The following ARHGEF18 variants were observed in gnomAD, a reference collection of about 807,000 sequenced individuals.
ARHGEF18 encodes the protein Rho/Rac guanine nucleotide exchange factor 18.
In ARHGEF18, 93 loss-of-function variants were observed where a neutral mutation model predicts 155.7. The ratio of observed to expected loss-of-function variants is 0.60; its 90% CI spans 0.50 to 0.71. The LOEUF (loss-of-function observed/expected upper bound fraction) is 0.71, where lower values mean the gene tolerates loss of function less well. Ranked by LOEUF, ARHGEF18 falls within the 30% of genes least tolerant of loss-of-function variation. ARHGEF18 has a pLI of 0.00. For synonymous variants in ARHGEF18, 742 were observed against 753.1 expected, an observed-to-expected ratio of 0.99 and a Z score of 0.24; for missense variants, 1,593 against 1,816.1, an observed-to-expected ratio of 0.88 and a Z score of 2.23.
At chr19:7,410,313 CCGT>C (rs1030713614) in intron 10 of ARHGEF18, among the ~76,000 whole-genome samples, 2 of 152,022 alleles carry the variant, frequency 1.3e-5, no homozygotes, top group African/African-American at 2.4e-5. Flanking sequence ...TTTCCTCTGT[CCGT>C]CTTAGAGTCA....
Position 7,444,542 on chromosome 19 carries a change from G to A in ARHGEF18, c.1611+88G>A. ...TTCTTTTTTTCTGAGATAGGGTCTT[G>A]CCGTGTCGCCCAGGCTGGAGTGCAG... is the stretch of plus-strand genomic sequence containing the variant. On this transcript the variant is annotated intron_variant, in intron 14 of 28. Coordinates refer to ENST00000668164, the MANE Select transcript of ARHGEF18 (RefSeq NM_001367823.1). The surrounding 1 kb of genome is among the most constrained non-coding windows in gnomAD (Gnocchi z 4.7). 2 of 1,526,320 alleles carry A rather than the reference G, an allele frequency of 1.3e-6. No homozygotes were observed. Among genetic ancestry groups the A allele is most frequent in the Non-Finnish European group, 1.8e-6 (2 of 1,138,892 alleles). The allele number at this position is 1,526,320 out of a possible 1,614,324, so 94.5% of individuals were successfully genotyped here. A position where few individuals can be genotyped will look rare whatever the true frequency, so the allele number is the denominator to read the frequency against.
chr19:7,464,218 A>T (rs113830605), intron 22 of ARHGEF18, among the ~76,000 whole-genome samples: 1,817 of 152,028 alleles, frequency 0.012, 47 homozygotes, highest in African/African-American at 0.042. Context: ...TTGTATTTTT[A>T]GTAGAAATGG....
At chr19:7,409,884 C>G (rs1284293455) in intron 10 of ARHGEF18, among the ~76,000 whole-genome samples, 1 of 150,756 alleles carries the variant, frequency 6.6e-6, no homozygotes, top group Non-Finnish European at 1.5e-5. Flanking sequence ...AGCGATTCTC[C>G]TGCCTCAGCC....
intron 1 of ARHGEF18, among the ~76,000 whole-genome samples, chr19:7,350,154 G>T (rs1238818501): frequency 6.6e-6 from 1 of 152,170 alleles, no homozygotes; most frequent in Non-Finnish European, 1.5e-5. Flanking sequence ...GGGGAGGAAG[G>T]CTGCGGTTTC....
intron 10 of ARHGEF18, among the ~76,000 whole-genome samples, chr19:7,428,478 G>A (rs531985559): frequency 3.0e-4 from 46 of 152,076 alleles, no homozygotes; most frequent in African/African-American, 1.1e-3. Flanking sequence ...CTGTAGCCTC[G>A]AACTCCTGGC....
chr19:7,469,117 G>C lies in ARHGEF18; in HGVS notation c.3773G>C (p.Arg1258Pro). 6.2e-7 allele frequency: 1 copy of C among 1,600,178 alleles called. No individual in the cohort carries two copies. The highest frequency in any genetic ancestry group is 8.5e-7 in the Non-Finnish European group (1 of 1,174,346). The change falls in exon 27 of 29, where the codon CGC (arginine) becomes CCC (proline). Residue 1258 changes from arginine (R) to proline (P), a missense_variant. Coordinates refer to ENST00000668164, the MANE Select transcript of ARHGEF18 (RefSeq NM_001367823.1). ...DKGGKSRGSQ[R>P]WESSASFDLK... ...GGCGGCAAGAGCAGGGGCTCTCAGC[G>C]CTGGGAGAGCTCAGGTGAGCCGGCC... is the stretch of plus-strand genomic sequence containing the variant.
At chr19:7,367,758 A>AT (rs1555699267) in intron 2 of ARHGEF18, among the ~76,000 whole-genome samples, 783 of 74,104 alleles carry the variant, frequency 0.011, 158 homozygotes, top group African/African-American at 0.045. Flanking sequence ...AAAAAAAAAA[A>AT]ATATATATAT....
chr19:7,376,742 A>G lies in ARHGEF18; in HGVS notation c.526A>G (p.Thr176Ala). Residue 176 changes from threonine (T) to alanine (A), a missense_variant, in exon 5 of 29, where the codon ACT (threonine) becomes GCT (alanine). Transcript: ENST00000668164. Reference protein sequence around the residue: ...PEISPGLEVPTPPVQGLEPPV... With the variant: ...PEISPGLEVPAPPVQGLEPPV... ...AATCTCTCCGGGTTTGGAAGTGCCC[A>G]CTCCACCTGTTCAAGGTAGCCAGCC... 1 of 1,234,264 alleles carries G rather than the reference A, an allele frequency of 8.1e-7. No homozygotes were observed. The highest frequency in any genetic ancestry group is 1.0e-6 in the Non-Finnish European group (1 of 988,154). 76.5% of individuals were successfully genotyped at this position (1,234,264 alleles called of 1,614,324 possible). A position where few individuals can be genotyped will look rare whatever the true frequency, so the allele number is the denominator to read the frequency against.
intron 7 of ARHGEF18, among the ~76,000 whole-genome samples, chr19:7,380,478 CA>C (rs60460858): frequency 6.0e-4 from 68 of 112,726 alleles, no homozygotes; most frequent in Non-Finnish European, 8.0e-4. Context: ...GACTCCATCT[CA>C]AAAAAAAAAA....
In ARHGEF18 at chr19:7,440,669, T is replaced by TGTCCCGGG. The variant is rs1230460548; in HGVS notation, c.1106+190_1106+197dup. 6.6e-6 allele frequency among the ~76,000 whole-genome samples: 1 copy of TGTCCCGGG among 152,164 alleles called. No homozygotes were observed. The highest frequency in any genetic ancestry group is 2.4e-5 in the African/African-American group (1 of 41,458). ...CCACGCCTTTTTTGCAAAAACGATG[T>TGTCCCGGG]GTCCCGGGGTGTATTCGGCCCCTGG... On this transcript the variant is annotated intron_variant, in intron 11 of 28. Coordinates refer to ENST00000668164, the MANE Select transcript of ARHGEF18 (RefSeq NM_001367823.1). This position sits in a 1 kb window ranked among gnomAD's most constrained non-coding sequence, Gnocchi z 5.4.
In ARHGEF18 at chr19:7,471,757, C is replaced by G. The variant is rs1310757532; in HGVS notation, c.*1459C>G. ...AGAGGCGCCCACTGGGTGCTGTGGGCTCAGGAGGGGGCGGGGCAGGAGCTG... is the reference window on the plus strand; with the variant it reads ...AGAGGCGCCCACTGGGTGCTGTGGGGTCAGGAGGGGGCGGGGCAGGAGCTG... On this transcript the variant is annotated 3_prime_UTR_variant, in exon 29 of 29. Transcript: ENST00000668164. This position sits in a 1 kb window ranked among gnomAD's most constrained non-coding sequence, Gnocchi z 4.4. 1 of 152,236 alleles carries G rather than the reference C, an allele frequency of 6.6e-6. No homozygotes were observed. Among genetic ancestry groups the G allele is most frequent in the Non-Finnish European group, 1.5e-5 (1 of 68,086 alleles). 9.4% of individuals were successfully genotyped at this position (152,236 alleles called of 1,614,324 possible).
rs369506925 is a variant in ARHGEF18, at chr19:7,466,829, TAAA to T, written c.2905-82_2905-80del. 6 of 900,714 alleles carry T rather than the reference TAAA, an allele frequency of 6.7e-6. No homozygotes were observed. In the East Asian group the frequency reaches 1.4e-4, roughly 22 times the overall value. The allele number at this position is 900,714 out of a possible 1,614,324, so 55.8% of individuals were successfully genotyped here. On this transcript the variant is annotated intron_variant, in intron 23 of 28. Coordinates refer to ENST00000668164, the MANE Select transcript of ARHGEF18 (RefSeq NM_001367823.1). ...CAAAAAAAAAAAAAAAAAAAAAAGT[TAAA>T]AAAAAAGAAGAAGAAGAAGAAGGCT...
intron 1 of ARHGEF18, among the ~76,000 whole-genome samples, chr19:7,356,271 CTTTTTTT>C (rs111791378): frequency 1.4e-5 from 2 of 139,976 alleles, no homozygotes; most frequent in African/African-American, 5.2e-5. Flanking sequence ...GACACTTTTT[CTTTTTTT>C]TTTTTTTTCT....
At chr19:7,460,706 A>G (rs1163894447) in intron 20 of ARHGEF18, among the ~76,000 whole-genome samples, 1 of 152,076 alleles carries the variant, frequency 6.6e-6, no homozygotes, top group African/African-American at 2.4e-5. Flanking sequence ...CTCAGTGAGC[A>G]CTTTGTCAAG....
chr19:7,432,093 C>T, intron 10 of ARHGEF18, among the ~76,000 whole-genome samples: 1 of 151,982 alleles, frequency 6.6e-6, no homozygotes, highest in East Asian at 1.9e-4. Flanking sequence ...TTTTTTCTTC[C>T]TCCTACCTTT....
chr19:7,440,111 T>C lies in ARHGEF18; in HGVS notation c.968-233T>C, dbSNP rs1395742267. The stretch of plus-strand genomic sequence containing the variant: ...GAGCCCCGGGCGCGAACATGGGGAA[T>C]GCGCACTCCAAAAGCGGGGACAGGC... On this transcript the variant is annotated intron_variant, in intron 10 of 28. Transcript: ENST00000668164. This position sits in a 1 kb window ranked among gnomAD's most constrained non-coding sequence, Gnocchi z 5.4. 6 of 1,550,696 alleles carry C rather than the reference T, an allele frequency of 3.9e-6. No individual in the cohort carries two copies. In the East Asian group the frequency reaches 1.5e-4, roughly 38 times the overall value.
intron 15 of ARHGEF18, among the ~76,000 whole-genome samples, 174 bp downstream of exon 15, chr19:7,447,342 A>T (rs1434297879): frequency 6.6e-6 from 1 of 152,020 alleles, no homozygotes; most frequent in Non-Finnish European, 1.5e-5. Flanking sequence ...ACAAAAAATT[A>T]GCCTGGCATG....
intron 1 of ARHGEF18, among the ~76,000 whole-genome samples, chr19:7,350,144 G>A (rs1969120833): frequency 6.6e-6 from 1 of 152,128 alleles, no homozygotes; most frequent in African/African-American, 2.4e-5. Context: ...GGGAGGGGTG[G>A]GGGAGGAAGG....
chr19:7,370,975 ATCACAGC>A (rs1375987241), intron 2 of ARHGEF18, among the ~76,000 whole-genome samples: 1 of 151,366 alleles, frequency 6.6e-6, no homozygotes, highest in East Asian at 1.9e-4. Flanking sequence ...CGATAGCATG[ATCACAGC>A]TCACTTCAGC....
Sources: allele counts gnomAD v4.1 joint callset (sites outside exome capture counted in the v4.1 genomes callset), GRCh38; gene constraint gnomAD v4.1.1; non-coding constraint Gnocchi (gnomAD v3.1); transcripts MANE v1.5; gene names NCBI Gene and HGNC (gene_info 2026-07-23, HGNC 2026-07-21).